PAX6: variants seen among roughly 807,000 people sequenced by gnomAD.
PAX6 encodes paired box protein Pax-6.
A neutral mutation model predicts 60.7 loss-of-function variants in PAX6; 7 were observed. The ratio of observed to expected loss-of-function variants is 0.12; its 90% confidence interval spans 0.07 to 0.22. The LOEUF (loss-of-function observed/expected upper bound fraction) is 0.22, where lower values mean the gene tolerates loss of function less well. Among genes scored for constraint, PAX6 ranks in the 10% least tolerant of loss-of-function variants. The probability of loss-of-function intolerance (pLI) is 1.00; values close to 1 mark genes in which losing one functional copy is unlikely to be tolerated. For missense variants in PAX6, 355 were observed against 555.2 expected (o/e 0.64, Z 3.62); for synonymous variants, 208 against 201.2 (o/e 1.03, Z -0.29).
At chr11:31,798,664 G>A (rs1440337081) in intron 8 of PAX6, among the ~76,000 whole-genome samples, 1 of 152,160 alleles carries the variant, frequency 6.6e-6, no homozygotes, top group Non-Finnish European at 1.5e-5. Flanking sequence ...TCACTTGCGG[G>A]TGGGGGGGTG....
At chr11:31,800,624 G>T in intron 8 of PAX6, 67 bp downstream of exon 8, 1 of 1,570,038 alleles carries the variant, frequency 6.4e-7, no homozygotes, top group Non-Finnish European at 8.7e-7. Context: ...GAAATGGTTG[G>T]GAGAGTAGGG....
upstream of PAX6, chr11:31,812,788 G>C (rs539948721): frequency 6.5e-6 from 1 of 152,758 alleles, no homozygotes; most frequent in South Asian, 2.1e-4. Flanking sequence ...TGAAGCAGCC[G>C]AAGGGTACGC....
At position 31,806,319 on chromosome 11, in the gene PAX6, C is replaced by A. The variant is rs1012727102; in HGVS notation, c.10+83G>T. ...CGGTCGGCGGCCGGGCCAGCGCGGGCGTCGCGAGTCCCTGTGTCCTCCCCT... is the reference window on the plus strand; with the variant it reads ...CGGTCGGCGGCCGGGCCAGCGCGGGAGTCGCGAGTCCCTGTGTCCTCCCCT... On this transcript the variant is annotated intron_variant, in intron 4 of 13. Transcript: ENST00000640368. 43 of 1,495,110 alleles carry A rather than the reference C, an allele frequency of 2.9e-5. No homozygotes were observed. The African/African-American group carries it at 5.5e-4, about 19-fold the overall frequency. 92.6% of individuals were successfully genotyped at this position (1,495,110 alleles called of 1,614,324 possible). A position where few individuals can be genotyped will look rare whatever the true frequency, so the allele number is the denominator to read the frequency against.
intron 8 of PAX6, among the ~76,000 whole-genome samples, chr11:31,797,145 G>C (rs552191419): frequency 6.6e-6 from 1 of 152,102 alleles, no homozygotes; most frequent in African/African-American, 2.4e-5. Context: ...CTGGTATGGG[G>C]TGGGGGACAC....
rs1949012843 is a variant in PAX6, at chr11:31,789,154, A to G, written c.*780T>C. On this transcript the variant is annotated 3_prime_UTR_variant, in exon 14 of 14. Transcript: ENST00000640368. ...CTTTTGCTGGCCAAAAAAGAAACGT[A>G]TGATTGCATGAAAATGTGTATAAAA... 1 of 203,880 alleles carries G rather than the reference A, an allele frequency of 4.9e-6. No individual in the cohort carries two copies. Among genetic ancestry groups the G allele is most frequent in the Non-Finnish European group, 1.0e-5 (1 of 99,248 alleles). 12.6% of individuals were successfully genotyped at this position (203,880 alleles called of 1,614,324 possible).
At chr11:31,798,972 C>G (rs1952627207) in intron 8 of PAX6, among the ~76,000 whole-genome samples, 1 of 152,236 alleles carries the variant, frequency 6.6e-6, no homozygotes, top group East Asian at 1.9e-4. Context: ...GCTCTGGGCT[C>G]AGCCCTCCCA....
Position 31,789,632 on chromosome 11 carries a change from A to G in PAX6, c.*302T>C, listed in dbSNP as rs1949113896. 1.4e-6 allele frequency: 1 copy of G among 695,910 alleles called. No homozygotes were observed. The highest frequency in any genetic ancestry group is 2.0e-5 in the Admixed American group (1 of 48,978). 43.1% of individuals were successfully genotyped at this position (695,910 alleles called of 1,614,324 possible). A position where few individuals can be genotyped will look rare whatever the true frequency, so the allele number is the denominator to read the frequency against. ...CACAGATCAAACATCCATCCAGTCT[A>G]CATTGTTCTTTTTTTCATTATAACA... is the stretch of plus-strand genomic sequence containing the variant. On this transcript the variant is annotated 3_prime_UTR_variant, in exon 14 of 14. Coordinates refer to ENST00000640368, the MANE Select transcript of PAX6 (RefSeq NM_001368894.2).
At chr11:31,791,947 G>A (rs1950095440) in intron 12 of PAX6, 1 of 152,210 alleles carries the variant, frequency 6.6e-6, no homozygotes, top group Non-Finnish European at 1.5e-5. Flanking sequence ...ATTTTTAAAA[G>A]TCAGTGTTTG....
chr11:31,806,150 G>C (rs370388391), intron 4 of PAX6: 1 of 487,678 alleles, frequency 2.1e-6, no homozygotes. Context: ...TTTCTCTACC[G>C]CAGCTTCGAA....
At chr11:31,799,708 G>A (rs932889178) in intron 8 of PAX6, among the ~76,000 whole-genome samples, 12 of 152,084 alleles carry the variant, frequency 7.9e-5, no homozygotes, top group Non-Finnish European at 1.5e-4. Flanking sequence ...GAGCCGGTCC[G>A]AGAGCTCACG....
chr11:31,810,936 C>T lies in PAX6; in HGVS notation c.-237G>A. ...TGAAGACCACAATGGTTTGAAATGA[C>T]GGTGTTTTAAAGGAGTTGCTGGTGA... is the stretch of plus-strand genomic sequence containing the variant. On this transcript the variant is annotated 5_prime_UTR_variant, in exon 2 of 14. Coordinates refer to ENST00000640368, the MANE Select transcript of PAX6 (RefSeq NM_001368894.2). 2.5e-6 allele frequency: 1 copy of T among 399,150 alleles called. No individual in the cohort carries two copies. Among genetic ancestry groups the T allele is most frequent in the Non-Finnish European group, 4.4e-6 (1 of 226,094 alleles). 24.7% of individuals were successfully genotyped at this position (399,150 alleles called of 1,614,324 possible).
Position 31,793,656 on chromosome 11 carries a change from T to C in PAX6, c.954A>G (p.Thr318=). 1 of 1,614,154 alleles carries C rather than the reference T, an allele frequency of 6.2e-7. No individual in the cohort carries two copies. The highest frequency in any genetic ancestry group is 8.5e-7 in the Non-Finnish European group (1 of 1,179,992). ...SVYQPIPQPT[T]PVSSFTSGSM... ...AGTATTAGTATTTCAAATTACCCGG[T>C]GTGGTGGGTTGTGGAATTGGTTGGT... Residue 318 remains threonine, a synonymous_variant, in exon 11 of 14, where the codon ACA becomes ACG. Coordinates refer to ENST00000640368, the MANE Select transcript of PAX6 (RefSeq NM_001368894.2).
chr11:31,797,184 T>A (rs1372407068), intron 8 of PAX6, among the ~76,000 whole-genome samples: 2 of 152,150 alleles, frequency 1.3e-5, no homozygotes, highest in African/African-American at 4.8e-5. Context: ...CATCTCCCCA[T>A]GGCCACTCAT....
intron 13 of PAX6, 160 bp downstream of exon 13, chr11:31,790,550 A>C (rs1468834491): frequency 1.6e-5 from 15 of 950,874 alleles, no homozygotes; most frequent in African/African-American, 1.8e-5. Context: ...TAAAGTTACT[A>C]ATTAGCTTAA....
At chr11:31,801,416 C>G in intron 7 of PAX6, 145 bp downstream of exon 7, 3 of 1,540,326 alleles carry the variant, frequency 1.9e-6, no homozygotes, top group Non-Finnish European at 1.7e-6. Context: ...GCATTCCTCT[C>G]TGTTCCCCCA....
intron 3 of PAX6, 124 bp downstream of exon 3, chr11:31,806,725 T>G: frequency 2.4e-6 from 1 of 408,762 alleles, no homozygotes; most frequent in East Asian, 3.7e-5. Flanking sequence ...CTTTAATCAG[T>G]AGAAGCGATG....
At chr11:31,805,315 G>A (rs914400876) in intron 4 of PAX6, 3 of 152,310 alleles carry the variant, frequency 2.0e-5, no homozygotes, top group Non-Finnish European at 4.4e-5. Flanking sequence ...CAAGCCCTGG[G>A]GTCCGGCAGG....
chr11:31,800,921 G>T, intron 7 of PAX6, 65 bp from the exon 8 acceptor site: 1 of 1,533,296 alleles, frequency 6.5e-7, no homozygotes, highest in South Asian at 1.1e-5. Context: ...ACCCATCTCA[G>T]CTCACCCACA....
intron 1 of PAX6, among the ~76,000 whole-genome samples, chr11:31,817,640 C>T (rs1044695518): frequency 6.6e-6 from 1 of 152,370 alleles, no homozygotes; most frequent in South Asian, 2.1e-4. Context: ...ACCCCCCTTC[C>T]TATCCCTCCC....
Sources: allele counts gnomAD v4.1 joint callset (sites outside exome capture counted in the v4.1 genomes callset), GRCh38; gene constraint gnomAD v4.1.1; transcripts MANE v1.5; gene names NCBI Gene and HGNC (gene_info 2026-07-23, HGNC 2026-07-21).